CSMD1: variants seen among roughly 807,000 people sequenced by gnomAD.
CSMD1 encodes CUB and Sushi multiple domains 1, also known as CUB and sushi domain-containing protein 1.
A neutral mutation model predicts 417.5 loss-of-function variants in CSMD1; 213 were observed. The observed-to-expected ratio is 0.51, with a 90% CI of 0.46 to 0.57. The LOEUF (loss-of-function observed/expected upper bound fraction) is 0.57. Among genes scored for constraint, CSMD1 ranks in the 20% least tolerant of loss-of-function variants. The pLI is 0.00. For synonymous variants in CSMD1, 2,862 were observed against 1,736.8 expected, an observed-to-expected ratio of 1.65 and a Z score of -16.11; for missense variants, 6,923 against 4,529.7, an observed-to-expected ratio of 1.53 and a Z score of -15.17.
rs61482752 is a variant in CSMD1, at chr8:3,284,804, A to C, written c.3951-458T>G. The C allele has an allele frequency of 0.01, 1,653 of 161,984 alleles. 104 individuals carry two copies. The East Asian group carries it at 0.17, about 17-fold the overall frequency. The allele number at this position is 161,984 out of a possible 1,614,324, so 10.0% of individuals were successfully genotyped here. ...ACAGCAGGAGAAAAGAGCTTACTCCATTACGACCTTTTCTACCTGTGTCTG... is the reference window on the plus strand; with the variant it reads ...ACAGCAGGAGAAAAGAGCTTACTCCCTTACGACCTTTTCTACCTGTGTCTG... On this transcript the variant is annotated intron_variant, in intron 25 of 69. Coordinates refer to ENST00000635120, the MANE Select transcript of CSMD1 (RefSeq NM_033225.6).
rs78637357 is a variant in CSMD1, at chr8:4,738,612, C to G, written c.86-101054G>C. On this transcript the variant is annotated intron_variant, in intron 1 of 69. Coordinates refer to ENST00000635120, the MANE Select transcript of CSMD1 (RefSeq NM_033225.6). Reference sequence around the variant, plus strand: ...GCCTAACTATATCACCATCTAGCATCTGTATTTTAAATATAATTACATTTT... The same window carrying G: ...GCCTAACTATATCACCATCTAGCATGTGTATTTTAAATATAATTACATTTT... Among the ~76,000 whole-genome samples the G allele has an allele frequency of 8.1e-3, 1,228 of 152,112 alleles. 18 individuals carry two copies. Among genetic ancestry groups the G allele is most frequent in the African/African-American group, 0.024 (1,009 of 41,466 alleles).
At chr8:4,914,152 T>C (rs150073335) in intron 1 of CSMD1, among the ~76,000 whole-genome samples, 2 of 152,282 alleles carry the variant, frequency 1.3e-5, no homozygotes, top group South Asian at 2.1e-4. Context: ...GAAAAGTGCA[T>C]ATAAAGTTAA....
chr8:3,215,304 A>G (rs1282190762), intron 29 of CSMD1, among the ~76,000 whole-genome samples: 6 of 152,246 alleles, frequency 3.9e-5, no homozygotes, highest in Admixed American at 2.6e-4. Flanking sequence ...GAAGAAAAAA[A>G]TACATTGACT....
At chr8:3,307,896 C>T (rs1805007011) in intron 24 of CSMD1, 75 bp from the exon 25 acceptor site, 3 of 1,523,300 alleles carry the variant, frequency 2.0e-6, no homozygotes, top group African/African-American at 1.4e-5. Context: ...TTTTCAAAAC[C>T]AAAGCCATTA....
intron 1 of CSMD1, among the ~76,000 whole-genome samples, chr8:4,898,062 G>T (rs1166626517): frequency 6.6e-6 from 1 of 152,042 alleles, no homozygotes; most frequent in Non-Finnish European, 1.5e-5. Context: ...GGTTTTATTA[G>T]TTGGAAATAT....
chr8:3,674,467 C>CA (rs1212798712), intron 7 of CSMD1, among the ~76,000 whole-genome samples: 1 of 151,704 alleles, frequency 6.6e-6, no homozygotes, highest in Non-Finnish European at 1.5e-5. Flanking sequence ...TTATTATAAA[C>CA]AAAAAATGAT....
chr8:4,791,336 G>A (rs1325014531), intron 1 of CSMD1, among the ~76,000 whole-genome samples: 1 of 152,140 alleles, frequency 6.6e-6, no homozygotes, highest in Non-Finnish European at 1.5e-5. Context: ...GTGTGGACTT[G>A]TTTTTACTCC....
chr8:3,897,991 G>C (rs760692981), intron 5 of CSMD1, among the ~76,000 whole-genome samples: 3 of 152,112 alleles, frequency 2.0e-5, no homozygotes, highest in Non-Finnish European at 4.4e-5. Context: ...GAGAACTGGA[G>C]AGCTCCTAGG....
chr8:4,420,405 T>G (rs562080763), intron 2 of CSMD1, among the ~76,000 whole-genome samples: 1 of 152,162 alleles, frequency 6.6e-6, no homozygotes, highest in East Asian at 1.9e-4. Context: ...ATAGGGTACA[T>G]GTGCAATATG....
Position 3,586,201 on chromosome 8 carries a change from C to T in CSMD1, c.1157G>A (p.Ser386Asn). The T allele has an allele frequency of 3.1e-6, 5 of 1,611,954 alleles. No homozygotes were observed. Among genetic ancestry groups the T allele is most frequent in the Admixed American group, 1.7e-5 (1 of 59,700 alleles). ...EDNYVLQGSK[S>N]ITCQRVTETL... ...CTCTGTAACTCTCTGACAGGTGATGCTTTTAGATCCCTGGAGCACGTAATT... is the reference window on the plus strand; with the variant it reads ...CTCTGTAACTCTCTGACAGGTGATGTTTTTAGATCCCTGGAGCACGTAATT... The change falls in exon 9 of 70, where the codon AGC becomes AAC. Residue 386 changes from serine (S) to asparagine (N), a missense_variant. Ser to Asn is a conservative substitution (Grantham distance 46, BLOSUM62 1). Transcript: ENST00000635120.
intron 3 of CSMD1, among the ~76,000 whole-genome samples, chr8:4,076,007 G>C (rs1322446065): frequency 3.9e-5 from 6 of 151,980 alleles, no homozygotes; most frequent in African/African-American, 1.5e-4. Flanking sequence ...GGTGGAGGGG[G>C]GATATTTTAA....
chr8:3,598,803 C>T (rs1387523804), intron 8 of CSMD1, among the ~76,000 whole-genome samples: 5 of 152,124 alleles, frequency 3.3e-5, no homozygotes, highest in Admixed American at 1.3e-4. Context: ...TGAAATTGGG[C>T]CAGGTGCAGT....
intron 26 of CSMD1, among the ~76,000 whole-genome samples, chr8:3,264,303 G>C (rs1036292046): frequency 2.0e-5 from 3 of 152,166 alleles, no homozygotes; most frequent in African/African-American, 7.2e-5. Flanking sequence ...GGAAACCTCA[G>C]GTGGCGTAGT....
chr8:4,039,061 C>G (rs77442658), intron 3 of CSMD1, among the ~76,000 whole-genome samples: 1 of 107,052 alleles, frequency 9.3e-6, no homozygotes, highest in African/African-American at 4.0e-5. Flanking sequence ...TACTACAATA[C>G]AATATTAATA....
intron 1 of CSMD1, among the ~76,000 whole-genome samples, chr8:4,863,264 T>C (rs1293899226): frequency 6.6e-6 from 1 of 152,080 alleles, no homozygotes; most frequent in Non-Finnish European, 1.5e-5. Flanking sequence ...TGAGAATACA[T>C]ATACAAATTT....
chr8:4,476,514 T>C (rs1008227311), intron 2 of CSMD1, among the ~76,000 whole-genome samples: 1 of 152,202 alleles, frequency 6.6e-6, no homozygotes, highest in Non-Finnish European at 1.5e-5. Flanking sequence ...ATCACTACTT[T>C]TCGGAGTTCT....
chr8:4,889,398 G>C (rs1038794071), intron 1 of CSMD1, among the ~76,000 whole-genome samples: 1 of 152,130 alleles, frequency 6.6e-6, no homozygotes. Flanking sequence ...ACCAAATGCA[G>C]TGAGTAAGCC....
chr8:4,557,876 T>A (rs1798166468), intron 2 of CSMD1, among the ~76,000 whole-genome samples: 2 of 151,966 alleles, frequency 1.3e-5, no homozygotes, highest in African/African-American at 2.4e-5. Flanking sequence ...GAAATGGGAG[T>A]CGGACAGTGT....
chr8:4,792,709 G>C lies in CSMD1; in HGVS notation c.86-155151C>G, dbSNP rs1173005150. Among the ~76,000 whole-genome samples, 6 of 152,136 alleles carry C rather than the reference G, an allele frequency of 3.9e-5. 1 individual carries two copies. The South Asian group carries it at 6.2e-4, about 16-fold the overall frequency. Reference sequence around the variant, plus strand: ...CCAGAACCAAAAGGAACAATTCTAGGAAGAGCTGCCAAGAAGCTGCATTCA... The same window carrying C: ...CCAGAACCAAAAGGAACAATTCTAGCAAGAGCTGCCAAGAAGCTGCATTCA... On this transcript the variant is annotated intron_variant, in intron 1 of 69. Transcript: ENST00000635120.
Sources: gnomAD v4.1 joint callset for allele counts (sites outside exome capture counted in the v4.1 genomes callset) on GRCh38, gnomAD v4.1.1 for gene constraint, MANE v1.5 for transcripts, NCBI Gene and HGNC (gene_info 2026-07-23, HGNC 2026-07-21) for gene names.